KLHDC10: variants seen among roughly 807,000 people sequenced by gnomAD.
The protein encoded by KLHDC10 is kelch domain-containing protein 10.
KLHDC10 carries 24 observed loss-of-function variants against 56.1 expected under a neutral mutation model. That is an observed-to-expected ratio of 0.43 (90% CI 0.31 to 0.60). KLHDC10 has a LOEUF of 0.60. Among genes scored for constraint, KLHDC10 ranks in the 20% least tolerant of loss-of-function variants. KLHDC10 has a pLI of 0.11. For synonymous variants in KLHDC10, 188 were observed against 207.1 expected (o/e 0.91, Z 0.79); for missense variants, 349 against 567.0 (o/e 0.62, Z 3.91).
chr7:130,130,622 T>TAAG lies in KLHDC10; in HGVS notation c.1206_1207insAGA (p.Val402_Pro403insArg), dbSNP rs751867120. 1 of 1,614,016 alleles carries TAAG rather than the reference T, an allele frequency of 6.2e-7. No individual in the cohort carries two copies. Among genetic ancestry groups the TAAG allele is most frequent in the Non-Finnish European group, 8.5e-7 (1 of 1,179,912 alleles). On this transcript the variant is annotated inframe_insertion, in exon 10 of 10. Transcript: ENST00000335420. This position sits in a 1 kb window ranked among gnomAD's most constrained non-coding sequence, Gnocchi z 4.2. ...TCATTGTTTAAGATCTGGCTGGTGGTACCTAGCCTGCTGGAACTGGCATGG... is the reference window on the plus strand; with the variant it reads ...TCATTGTTTAAGATCTGGCTGGTGGTAAGACCTAGCCTGCTGGAACTGGCATGG...
In KLHDC10 at chr7:130,116,566, T is replaced by C. The variant is rs1416628471; in HGVS notation, c.375T>C (p.Tyr125=). 1 of 1,613,630 alleles carries C rather than the reference T, an allele frequency of 6.2e-7. No individual in the cohort carries two copies. The highest frequency in any genetic ancestry group is 1.7e-5 in the Admixed American group (1 of 59,988). ...CGGGAGGGCCTGATAATGAAGACTA[T>C]CCTCTCTTCAGGGAACTCTGGAGGT... ...DESGGPDNED[Y]PLFRELWRYH... The change falls in exon 3 of 10, where the codon TAT becomes TAC. Residue 125 remains tyrosine (Y), a synonymous_variant. Transcript: ENST00000335420. This position sits in a 1 kb window ranked among gnomAD's most constrained non-coding sequence, Gnocchi z 4.8.
At chr7:130,087,453 G>T (rs1795706854) in intron 1 of KLHDC10, among the ~76,000 whole-genome samples, 1 of 151,880 alleles carries the variant, frequency 6.6e-6, no homozygotes, top group South Asian at 2.1e-4. Flanking sequence ...CTTTATCTAG[G>T]ATGTGAGCAT....
chr7:130,103,362 T>C (rs1584629406), intron 2 of KLHDC10, among the ~76,000 whole-genome samples: 1 of 150,364 alleles, frequency 6.7e-6, no homozygotes, highest in African/African-American at 2.5e-5. Context: ...GAGGCAGAGG[T>C]TGCAGTGAGC....
chr7:130,082,412 ACTTTCCTTTTAGTT>A (rs1330856145), intron 1 of KLHDC10, among the ~76,000 whole-genome samples: 1 of 152,200 alleles, frequency 6.6e-6, no homozygotes, highest in Non-Finnish European at 1.5e-5. Context: ...TTGATATTTT[ACTTTCCTTTTAGTT>A]CTTTATCAAG....
chr7:130,115,999 T>C (rs1046330941), intron 2 of KLHDC10, among the ~76,000 whole-genome samples: 2 of 152,208 alleles, frequency 1.3e-5, no homozygotes, highest in Non-Finnish European at 2.9e-5. Context: ...TATACATGAC[T>C]CATTCATATT....
At chr7:130,072,304 G>C (rs753712995) in intron 1 of KLHDC10, among the ~76,000 whole-genome samples, 1 of 152,126 alleles carries the variant, frequency 6.6e-6, no homozygotes, top group Non-Finnish European at 1.5e-5. Flanking sequence ...CCTAGAACCT[G>C]CTTGGTGCAC....
chr7:130,115,439 G>A (rs1796153701), intron 2 of KLHDC10, among the ~76,000 whole-genome samples: 1 of 151,822 alleles, frequency 6.6e-6, no homozygotes, highest in Non-Finnish European at 1.5e-5. Flanking sequence ...GTTGAGACCG[G>A]GTGCAGTAGC....
rs1584643263 is a variant in KLHDC10, at chr7:130,130,779, G to A, written c.*33G>A. 6.3e-7 allele frequency: 1 copy of A among 1,592,122 alleles called. No homozygotes were observed. Among genetic ancestry groups the A allele is most frequent in the Non-Finnish European group, 8.6e-7 (1 of 1,160,114 alleles). On this transcript the variant is annotated 3_prime_UTR_variant, in exon 10 of 10. Transcript: ENST00000335420. This position sits in a 1 kb window ranked among gnomAD's most constrained non-coding sequence, Gnocchi z 4.2. ...TGGACTGTTCATTGATACTGGAAAT[G>A]TTAATTTAAAGAGACTCCTTTATTT...
rs184000914 is a variant in KLHDC10, at chr7:130,135,333, G to C, written c.*4587G>C. On this transcript the variant is annotated 3_prime_UTR_variant, in exon 10 of 10. Transcript: ENST00000335420. ...ACAGGGAGAGCACAGGCATCTCCCTGGAAAAGCACCTGCCAATGACGAATT... is the reference window on the plus strand; with the variant it reads ...ACAGGGAGAGCACAGGCATCTCCCTCGAAAAGCACCTGCCAATGACGAATT... 6.5e-5 allele frequency: 10 copies of C among 154,442 alleles called. No individual in the cohort carries two copies. The highest frequency in any genetic ancestry group is 1.7e-4 in the African/African-American group (7 of 41,628). 9.6% of individuals were successfully genotyped at this position (154,442 alleles called of 1,614,324 possible). A position where few individuals can be genotyped will look rare whatever the true frequency, so the allele number is the denominator to read the frequency against.
intron 1 of KLHDC10, among the ~76,000 whole-genome samples, chr7:130,081,266 TG>T (rs1795603108): frequency 6.6e-6 from 1 of 152,116 alleles, no homozygotes; most frequent in South Asian, 2.1e-4. Context: ...CCCAAAGTGC[TG>T]GGATTACAGG....
rs573825134 is a variant in KLHDC10, at chr7:130,080,854, A to T, written c.166+10045A>T. Among the ~76,000 whole-genome samples, 12 of 152,224 alleles carry T rather than the reference A, an allele frequency of 7.9e-5. No homozygotes were observed. The East Asian group carries it at 2.3e-3, about 29-fold the overall frequency. ...GGTATTCTTTTATGATTACACAATT[A>T]TTTCCTGGATTTGCAACTACTCATT... On this transcript the variant is annotated intron_variant, in intron 1 of 9. Coordinates refer to ENST00000335420, the MANE Select transcript of KLHDC10 (RefSeq NM_014997.4).
At chr7:130,070,970 A>C (rs1373242043) in intron 1 of KLHDC10, among the ~76,000 whole-genome samples, 161 bp downstream of exon 1, 1 of 152,224 alleles carries the variant, frequency 6.6e-6, no homozygotes, top group Non-Finnish European at 1.5e-5. Flanking sequence ...CTTTGAGGTC[A>C]GGGAGGGAAC....
rs1364629357 is a variant in KLHDC10, at chr7:130,131,161, A to G, written c.*415A>G. Reference sequence around the variant, plus strand: ...ATGAAATTAAAAAATTTTTACATCTAGCAACAGCAACAACCACAAATTTAG... The same window carrying G: ...ATGAAATTAAAAAATTTTTACATCTGGCAACAGCAACAACCACAAATTTAG... On this transcript the variant is annotated 3_prime_UTR_variant, in exon 10 of 10. Transcript: ENST00000335420. 2 of 160,612 alleles carry G rather than the reference A, an allele frequency of 1.2e-5. No individual in the cohort carries two copies. The highest frequency in any genetic ancestry group is 2.8e-5 in the Non-Finnish European group (2 of 72,262). 9.9% of individuals were successfully genotyped at this position (160,612 alleles called of 1,614,324 possible). A position where few individuals can be genotyped will look rare whatever the true frequency, so the allele number is the denominator to read the frequency against.
intron 1 of KLHDC10, among the ~76,000 whole-genome samples, chr7:130,093,309 G>A (rs1176125022): frequency 6.9e-6 from 1 of 143,966 alleles, no homozygotes; most frequent in Non-Finnish European, 1.5e-5. Context: ...GGCTCAAGCA[G>A]TTCTCCTGCC....
chr7:130,110,721 C>T (rs1031196803), intron 2 of KLHDC10, among the ~76,000 whole-genome samples: 12 of 152,078 alleles, frequency 7.9e-5, no homozygotes, highest in Admixed American at 7.2e-4. Context: ...AAAGAAGTAA[C>T]CAGTTAAATT....
chr7:130,118,842 C>T (rs549781068), intron 3 of KLHDC10, among the ~76,000 whole-genome samples: 1 of 152,152 alleles, frequency 6.6e-6, no homozygotes, highest in Non-Finnish European at 1.5e-5. Context: ...AAAACTCTCA[C>T]AGCATTTATT....
intron 2 of KLHDC10, among the ~76,000 whole-genome samples, chr7:130,112,671 C>T (rs1284356792): frequency 2.6e-5 from 4 of 152,172 alleles, no homozygotes; most frequent in Non-Finnish European, 4.4e-5. Flanking sequence ...TCCAGACAGA[C>T]AATTCCCATG....
intron 1 of KLHDC10, among the ~76,000 whole-genome samples, chr7:130,073,502 G>A (rs1291249789): frequency 6.7e-6 from 1 of 149,916 alleles, no homozygotes; most frequent in Non-Finnish European, 1.5e-5. Flanking sequence ...TGCCATGTTG[G>A]CCAGGCTGGG....
intron 2 of KLHDC10, among the ~76,000 whole-genome samples, chr7:130,108,067 AAAC>A (rs1796039159): frequency 6.6e-6 from 1 of 150,930 alleles, no homozygotes; most frequent in Non-Finnish European, 1.5e-5. Flanking sequence ...ACAAAAAACA[AAAC>A]AAAAAAAAAC....
Sources: allele counts gnomAD v4.1 joint callset (sites outside exome capture counted in the v4.1 genomes callset), GRCh38; gene constraint gnomAD v4.1.1; non-coding constraint Gnocchi (gnomAD v3.1); transcripts MANE v1.5; gene names NCBI Gene and HGNC (gene_info 2026-07-23, HGNC 2026-07-21).